The following TMT1A variants were observed in gnomAD, a reference collection of about 807,000 sequenced individuals.
TMT1A encodes the protein thiol S-methyltransferase TMT1A.
chr12:50,930,047 C>A, the TMT1A span: 1 of 1,614,120 alleles, frequency 6.2e-7, no homozygotes. Context: ...AGCTGGAAGG[C>A]CCTGGAGCGG....
At chr12:50,925,734 C>G in the TMT1A span, among the ~76,000 whole-genome samples, 5 of 151,864 alleles carry the variant, frequency 3.3e-5, no homozygotes, top group Non-Finnish European at 7.4e-5. Context: ...AAACTTAAAA[C>G]TGCTATAAAG....
chr12:50,927,028 AT>A, the TMT1A span, among the ~76,000 whole-genome samples: 1 of 152,010 alleles, frequency 6.6e-6, no homozygotes, highest in Non-Finnish European at 1.5e-5. Flanking sequence ...CCCAGTTTTC[AT>A]TTTTTGTTGA....
At chr12:50,930,392 G>C in the TMT1A span, 6 of 313,778 alleles carry the variant, frequency 1.9e-5, no homozygotes, top group African/African-American at 1.1e-4. Flanking sequence ...CGATTCTTCT[G>C]CCTCAGCCTC....
chr12:50,930,153 T>A, the TMT1A span: 1 of 1,594,256 alleles, frequency 6.3e-7, no homozygotes, highest in Admixed American at 1.7e-5. Context: ...TGAAATAGTG[T>A]GAGCTGGCAG....
At chr12:50,926,043 AGAAAG>A in the TMT1A span, among the ~76,000 whole-genome samples, 1 of 145,086 alleles carries the variant, frequency 6.9e-6, no homozygotes. Flanking sequence ...AAAAAAAGAA[AGAAAG>A]AAAAAAAAGA....
the TMT1A span, among the ~76,000 whole-genome samples, chr12:50,927,907 C>T: frequency 9.0e-6 from 1 of 110,976 alleles, no homozygotes; most frequent in Non-Finnish European, 1.8e-5. Flanking sequence ...TAACTGCAGC[C>T]TCCACCTCCC....
chr12:50,925,627 C>A, the TMT1A span: 1 of 1,391,102 alleles, frequency 7.2e-7, no homozygotes, highest in Non-Finnish European at 9.5e-7. Context: ...AACATTTTAA[C>A]ATAAAAAGTA....
the TMT1A span, chr12:50,925,380 C>G: frequency 6.2e-7 from 1 of 1,614,232 alleles, no homozygotes; most frequent in Non-Finnish European, 8.5e-7. Context: ...TTGCAGAGAA[C>G]CGACACCTGC....
chr12:50,925,920 G>A, the TMT1A span, among the ~76,000 whole-genome samples: 10 of 147,064 alleles, frequency 6.8e-5, no homozygotes, highest in Admixed American at 3.5e-4. Context: ...GTGCCTGTAG[G>A]CAGGAGAATC....
the TMT1A span, chr12:50,930,283 T>C: frequency 4.2e-6 from 3 of 711,516 alleles, no homozygotes; most frequent in Non-Finnish European, 6.6e-6. Flanking sequence ...GGTTTTTTTT[T>C]TTTTTTTGGC....
the TMT1A span, chr12:50,931,333 G>A: frequency 6.6e-6 from 1 of 151,930 alleles, no homozygotes; most frequent in African/African-American, 2.4e-5. Flanking sequence ...TTTATTGATT[G>A]AATTAAGAAA....
At chr12:50,928,542 A>C in the TMT1A span, among the ~76,000 whole-genome samples, 1 of 152,212 alleles carries the variant, frequency 6.6e-6, no homozygotes, top group Non-Finnish European at 1.5e-5. Context: ...AGTGGGCTGC[A>C]GGCATGTTTA....
At chr12:50,930,274 G>GTTT in the TMT1A span, 142 of 521,806 alleles carry the variant, frequency 2.7e-4, no homozygotes, top group South Asian at 4.1e-4. Context: ...TTTGTTGTTG[G>GTTT]TTTTTTTTTT....
the TMT1A span, chr12:50,929,820 C>T: frequency 4.3e-5 from 50 of 1,156,222 alleles, no homozygotes; most frequent in Non-Finnish European, 6.0e-5. Flanking sequence ...CACAGGTTTG[C>T]AAGGCAGTGC....
the TMT1A span, chr12:50,931,277 C>G: frequency 6.6e-6 from 1 of 151,892 alleles, no homozygotes; most frequent in Non-Finnish European, 1.5e-5. Context: ...ACTTAAATCA[C>G]TCCAAAGAAG....
chr12:50,928,183 T>C, the TMT1A span, among the ~76,000 whole-genome samples: 3 of 152,330 alleles, frequency 2.0e-5, no homozygotes, highest in African/African-American at 7.2e-5. Context: ...GGGGTTTTCA[T>C]CTTTCTGATT....
chr12:50,925,185 AC>A, the TMT1A span: 10 of 1,614,178 alleles, frequency 6.2e-6, no homozygotes, highest in Non-Finnish European at 8.5e-6. Flanking sequence ...TATACAACGA[AC>A]AGATGGCAAG....
chr12:50,929,382 T>C, the TMT1A span, among the ~76,000 whole-genome samples: 7 of 152,206 alleles, frequency 4.6e-5, no homozygotes, highest in Admixed American at 1.3e-4. Flanking sequence ...AAGACTAGGA[T>C]AACTAGAGGA....
At chr12:50,925,942 GT>G in the TMT1A span, among the ~76,000 whole-genome samples, 1 of 147,898 alleles carries the variant, frequency 6.8e-6, no homozygotes. Context: ...CTTGAACCTG[GT>G]GGGGCAGAGG....
Sources: gnomAD v4.1 joint callset for allele counts (sites outside exome capture counted in the v4.1 genomes callset) on GRCh38, gnomAD v4.1.1 for gene constraint, MANE v1.5 for transcripts, NCBI Gene and HGNC (gene_info 2026-07-23, HGNC 2026-07-21) for gene names.